ZC3H11B: variants seen among roughly 807,000 people sequenced by gnomAD.
ZC3H11B encodes zinc finger CCCH domain-containing protein 11B.
A neutral mutation model predicts 34.0 loss-of-function variants in ZC3H11B; 3 were observed. The ratio of observed to expected loss-of-function variants is 0.09; its 90% CI spans 0.04 to 0.23. ZC3H11B has a LOEUF of 0.23. Ranked by LOEUF, ZC3H11B falls within the 10% of genes least tolerant of loss-of-function variation. The pLI is 1.00. For missense variants in ZC3H11B, 99 were observed against 660.1 expected, an observed-to-expected ratio of 0.15 and a Z score of 9.31; for synonymous variants, 33 against 250.1, an observed-to-expected ratio of 0.13 and a Z score of 8.19.
chr1:219,608,132 G>C (rs1250818670), exon 2 of ZC3H11B, among the ~76,000 whole-genome samples: 1 of 152,036 alleles, frequency 6.6e-6, no homozygotes, highest in African/African-American at 2.4e-5. Flanking sequence ...GGTGAAACCT[G>C]AACATTCTAC....
At chr1:219,608,660 TG>T (rs1293500797) in exon 2 of ZC3H11B, 6 of 151,912 alleles carry the variant, frequency 3.9e-5, no homozygotes, top group African/African-American at 1.5e-4. Flanking sequence ...TACAATTCAG[TG>T]TACTGCTACA....
exon 2 of ZC3H11B, chr1:219,608,797 T>G (rs2102509113): frequency 6.5e-6 from 1 of 152,698 alleles, no homozygotes; most frequent in East Asian, 1.9e-4. Context: ...TTAACCAAAT[T>G]TTGTCCCTGT....
At chr1:219,608,344 C>T (rs533455750) in exon 2 of ZC3H11B, 57 of 152,678 alleles carry the variant, frequency 3.7e-4, no homozygotes, top group African/African-American at 1.3e-3. Flanking sequence ...CTTGATGAGC[C>T]GCTTACAACA....
At position 219,609,918 on chromosome 1, in the gene ZC3H11B, G is replaced by A. The variant is rs541662708; in HGVS notation, c.2145C>T (p.Val715=). ...TAGGATTTTCTGCTTCAGGCACAGT[G>A]ACTGATTTGTCCTCAGAGTCAAGCA... The change falls in exon 2 of 2, where the codon GTC becomes GTT. Residue 715 remains valine (V), a synonymous_variant. Transcript: ENST00000651890. The A allele has an allele frequency of 3.5e-5, 57 of 1,613,278 alleles. No individual in the cohort carries two copies. In the African/African-American group the frequency reaches 7.3e-4, roughly 21 times the overall value.
chr1:219,609,915 A>C (rs183522757), exon 2 of ZC3H11B: 111,475 of 1,610,316 alleles, frequency 0.069, no homozygotes, highest in South Asian at 0.082. Context: ...CTTCAGGCAC[A>C]GTGACTGATT....
chr1:219,612,428 C>A (rs558753864), exon 2 of ZC3H11B: 3 of 213,474 alleles, frequency 1.4e-5, no homozygotes, highest in South Asian at 1.7e-4. Flanking sequence ...ATTCAAATAA[C>A]CTTTGTCAGA....
chr1:219,608,013 T>G (rs1455114159), exon 2 of ZC3H11B, among the ~76,000 whole-genome samples: 1 of 151,554 alleles, frequency 6.6e-6, no homozygotes. Flanking sequence ...CACGAAACAT[T>G]GACTAATACA....
chr1:219,609,725 C>T, exon 2 of ZC3H11B: 1 of 1,574,550 alleles, frequency 6.4e-7, no homozygotes, highest in Non-Finnish European at 8.7e-7. Flanking sequence ...CCTGAAATCT[C>T]CCATGTTAGT....
exon 2 of ZC3H11B, chr1:219,609,496 TTC>T: frequency 1.7e-6 from 1 of 574,712 alleles, no homozygotes. Flanking sequence ...ATACAGATAA[TTC>T]AGAGGTATAC....
exon 2 of ZC3H11B, chr1:219,612,309 T>A: frequency 2.0e-6 from 1 of 488,358 alleles, no homozygotes; most frequent in Non-Finnish European, 3.6e-6. Context: ...TTAATAATAA[T>A]GAGGCAGAAA....
At chr1:219,609,930 C>T (rs868650737) in exon 2 of ZC3H11B, 1 of 1,602,098 alleles carries the variant, frequency 6.2e-7, no homozygotes. Context: ...CTGATTTGTC[C>T]TCAGAGTCAA....
exon 2 of ZC3H11B, chr1:219,612,227 C>G (rs551175057): frequency 4.8e-6 from 3 of 626,106 alleles, no homozygotes; most frequent in Non-Finnish European, 8.5e-6. Context: ...TTGCTCTCAA[C>G]AGGAACGTCT....
intron 1 of ZC3H11B, 90 bp downstream of exon 1, chr1:219,612,841 G>C: frequency 3.1e-6 from 1 of 318,938 alleles, no homozygotes; most frequent in Non-Finnish European, 5.4e-6. Flanking sequence ...AATCCTACAA[G>C]GAGTACGGAA....
At chr1:219,612,139 G>A in exon 2 of ZC3H11B, 2 of 595,492 alleles carry the variant, frequency 3.4e-6, no homozygotes, top group Non-Finnish European at 6.0e-6. Context: ...CAGGCTCCAA[G>A]TCCTCGTGAA....
rs1382472432 is a variant in ZC3H11B, at chr1:219,612,931, C to G, written c.-502G>C. ...AGGGTGGGGAATGGGTGTAGGATAC[C>G]GGAATAAGGTTGGTGGCTTTCTGTA... On this transcript the variant is annotated splice_region_variant and 5_prime_UTR_variant, in exon 1 of 2. Coordinates refer to ENST00000651890, the Ensembl canonical transcript of ZC3H11B. 3 of 240,678 alleles carry G rather than the reference C, an allele frequency of 1.2e-5. 1 individual carries two copies. Among genetic ancestry groups the G allele is most frequent in the Non-Finnish European group, 1.4e-5 (2 of 139,300 alleles). The allele number at this position is 240,678 out of a possible 1,614,324, so 14.9% of individuals were successfully genotyped here. A position where few individuals can be genotyped will look rare whatever the true frequency, so the allele number is the denominator to read the frequency against.
chr1:219,610,733 CT>C lies in ZC3H11B; in HGVS notation c.1329del (p.Val444Ter), dbSNP rs1196581466. ...CTGGCAACAATGGGTGGCAAAACTA[CT>C]GTTTTTTTAATTTCACTATCAGTCT... On this transcript the variant is annotated frameshift_variant, in exon 2 of 2. Coordinates refer to ENST00000651890, the Ensembl canonical transcript of ZC3H11B. LOFTEE classifies it high-confidence loss of function. The C allele has an allele frequency of 3.3e-6, 2 of 611,590 alleles. No individual in the cohort carries two copies. Among genetic ancestry groups the C allele is most frequent in the African/African-American group, 5.8e-5 (2 of 34,532 alleles). The allele number at this position is 611,590 out of a possible 1,614,324, so 37.9% of individuals were successfully genotyped here.
chr1:219,608,044 AAAAGAAT>A (rs1667943680), exon 2 of ZC3H11B, among the ~76,000 whole-genome samples: 1 of 152,084 alleles, frequency 6.6e-6, no homozygotes, highest in Non-Finnish European at 1.5e-5. Context: ...TTAAAAAAGC[AAAAGAAT>A]AAAGAATATA....
rs2102510807 is a variant in ZC3H11B at position 219,610,823 on chromosome 1, CT to C, written c.1239del (p.Glu414AsnfsTer21). On this transcript the variant is annotated frameshift_variant, in exon 2 of 2. Transcript: ENST00000651890. LOFTEE classifies it high-confidence loss of function. ...CTCTCTGCTTCCTGCTGCCTATGTT[CT>C]TCTTCAGCCAGGACCTCAGAGAAGG... is the stretch of plus-strand genomic sequence containing the variant. The C allele has an allele frequency of 1.8e-6, 1 of 553,590 alleles. No homozygotes were observed. The highest frequency in any genetic ancestry group is 3.7e-5 in the Admixed American group (1 of 26,680). The allele number at this position is 553,590 out of a possible 1,614,324, so 34.3% of individuals were successfully genotyped here. A position where few individuals can be genotyped will look rare whatever the true frequency, so the allele number is the denominator to read the frequency against.
At chr1:219,610,530 G>T in exon 2 of ZC3H11B, 1 of 1,477,178 alleles carries the variant, frequency 6.8e-7, no homozygotes, top group Non-Finnish European at 9.5e-7. Context: ...TTCTTTTGGT[G>T]ATTCGCAGCA....
Sources: gnomAD v4.1 joint callset for allele counts (sites outside exome capture counted in the v4.1 genomes callset) on GRCh38, gnomAD v4.1.1 for gene constraint, MANE v1.5 for transcripts, NCBI Gene and HGNC (gene_info 2026-07-23, HGNC 2026-07-21) for gene names.